The following NLGN4Y variants were observed in gnomAD, a reference collection of about 807,000 sequenced individuals.
The protein encoded by NLGN4Y is neuroligin-4, Y-linked.
NLGN4Y carries 4 observed loss-of-function variants against 8.4 expected under a neutral mutation model. The ratio of observed to expected loss-of-function variants is 0.48; its 90% CI spans 0.23 to 1.09. The LOEUF (loss-of-function observed/expected upper bound fraction) is 1.09. NLGN4Y is among the 50% of genes least tolerant of loss of function. The pLI, the probability that NLGN4Y is intolerant of heterozygous loss-of-function variation, is 0.19. For missense variants in NLGN4Y, 90 were observed against 192.3 expected (o/e 0.47, Z 3.15); for synonymous variants, 35 against 75.6 (o/e 0.46, Z 2.78).
intron 4 of NLGN4Y, among the ~76,000 whole-genome samples, chrY:14,774,613 G>T: frequency 3.1e-5 from 1 of 32,672 alleles, no homozygotes; most frequent in South Asian, 6.9e-4. Context: ...GATTCCTCAA[G>T]GATCTGGAAC....
intron 4 of NLGN4Y, among the ~76,000 whole-genome samples, chrY:14,798,895 A>G: frequency 2.9e-5 from 1 of 34,454 alleles, no homozygotes; most frequent in African/African-American, 1.1e-4. Context: ...ATTAACATTC[A>G]AAAATCACTT....
At chrY:14,573,091 C>T in intron 1 of NLGN4Y, among the ~76,000 whole-genome samples, 1 of 33,177 alleles carries the variant, frequency 3.0e-5, no homozygotes, top group Non-Finnish European at 7.4e-5. Flanking sequence ...GCTTTGTTGT[C>T]AGGATGATGC....
chrY:14,809,590 G>A, intron 4 of NLGN4Y, among the ~76,000 whole-genome samples: 5 of 28,932 alleles, frequency 1.7e-4, no homozygotes, highest in Non-Finnish European at 8.1e-5. Flanking sequence ...CTCCGTCACC[G>A]AGGCTGGAGT....
chrY:14,797,817 T>A (rs2043017448), intron 4 of NLGN4Y, among the ~76,000 whole-genome samples: 3 of 33,731 alleles, frequency 8.9e-5, no homozygotes, highest in Non-Finnish European at 2.2e-4. Flanking sequence ...TCCTAGAATT[T>A]AAGTTCTGGG....
intron 1 of NLGN4Y, among the ~76,000 whole-genome samples, chrY:14,589,008 G>A: frequency 2.4e-4 from 8 of 32,997 alleles, no homozygotes; most frequent in Non-Finnish European, 4.5e-4. Flanking sequence ...TAAAAGCAGC[G>A]TGGACCCAAA....
At chrY:14,635,068 A>G (rs2080560681) in intron 2 of NLGN4Y, among the ~76,000 whole-genome samples, 1 of 33,294 alleles carries the variant, frequency 3.0e-5, no homozygotes, top group Non-Finnish European at 7.4e-5. Context: ...ATTTTTAGCT[A>G]CATTCTACTC....
chrY:14,687,982 G>T (rs966155778), intron 2 of NLGN4Y, among the ~76,000 whole-genome samples: 1 of 33,023 alleles, frequency 3.0e-5, no homozygotes, highest in Admixed American at 2.8e-4. Flanking sequence ...CTGAGGAGAA[G>T]TGGCTCGGTT....
intron 1 of NLGN4Y, among the ~76,000 whole-genome samples, chrY:14,544,646 C>G (rs2080161640): frequency 3.0e-5 from 1 of 33,239 alleles, no homozygotes; most frequent in Non-Finnish European, 7.4e-5. Context: ...TAAAAACATG[C>G]CTTGGCAGCA....
chrY:14,703,689 A>G (rs2080864832), intron 2 of NLGN4Y, among the ~76,000 whole-genome samples: 1 of 32,892 alleles, frequency 3.0e-5, no homozygotes, highest in Non-Finnish European at 7.5e-5. Context: ...TTTTTTTCCA[A>G]TTCTGTGAAG....
At chrY:14,796,204 T>C in intron 4 of NLGN4Y, among the ~76,000 whole-genome samples, 1 of 33,111 alleles carries the variant, frequency 3.0e-5, no homozygotes, top group Non-Finnish European at 7.4e-5. Context: ...TTTGTCAAGA[T>C]TAACATAATA....
At chrY:14,611,868 AT>A (rs2080470793) in intron 1 of NLGN4Y, among the ~76,000 whole-genome samples, 1 of 32,780 alleles carries the variant, frequency 3.1e-5, no homozygotes, top group African/African-American at 1.2e-4. Context: ...CCTGGATAAT[AT>A]CCTGAAGTGT....
chrY:14,839,133 A>G (rs2043206607), intron 6 of NLGN4Y, among the ~76,000 whole-genome samples: 1 of 33,169 alleles, frequency 3.0e-5, no homozygotes, highest in Non-Finnish European at 7.4e-5. Context: ...ACCTGGAACC[A>G]TTGATCAGGA....
intron 1 of NLGN4Y, among the ~76,000 whole-genome samples, chrY:14,582,963 G>A: frequency 2.9e-5 from 1 of 33,976 alleles, no homozygotes; most frequent in African/African-American, 1.1e-4. Flanking sequence ...TTTCCATGGA[G>A]GGAATTTTTG....
chrY:14,529,578 C>A, intron 1 of NLGN4Y, among the ~76,000 whole-genome samples: 1 of 32,637 alleles, frequency 3.1e-5, no homozygotes, highest in East Asian at 8.0e-4. Context: ...CAGCATGGAA[C>A]TATGGTCCCA....
At chrY:14,575,943 C>T (rs2080296458) in intron 1 of NLGN4Y, among the ~76,000 whole-genome samples, 1 of 32,902 alleles carries the variant, frequency 3.0e-5, no homozygotes, top group Non-Finnish European at 7.5e-5. Context: ...TGATTGTTCC[C>T]CTGGAAGTTT....
chrY:14,695,600 C>T, intron 2 of NLGN4Y, among the ~76,000 whole-genome samples: 2 of 32,873 alleles, frequency 6.1e-5, no homozygotes, highest in African/African-American at 1.2e-4. Flanking sequence ...CTGAAATTTC[C>T]GGGAGTTTGT....
chrY:14,722,699 C>G, intron 3 of NLGN4Y, among the ~76,000 whole-genome samples: 2 of 20,922 alleles, frequency 9.6e-5, no homozygotes, highest in Non-Finnish European at 2.1e-4. Flanking sequence ...AACCCCGTCT[C>G]TACTAAAAAT....
chrY:14,702,670 T>C, intron 2 of NLGN4Y, among the ~76,000 whole-genome samples: 1 of 33,349 alleles, frequency 3.0e-5, no homozygotes, highest in African/African-American at 1.2e-4. Flanking sequence ...CCTTTGGGTA[T>C]ATACCCAGTA....
intron 1 of NLGN4Y, among the ~76,000 whole-genome samples, chrY:14,580,532 G>C (rs749440856): frequency 1.1e-3 from 36 of 32,240 alleles, no homozygotes; most frequent in African/African-American, 4.0e-3. Context: ...ATAGTTAAAA[G>C]CATTATTTCT....
Sources: gnomAD v4.1 joint callset for allele counts (sites outside exome capture counted in the v4.1 genomes callset) on GRCh38, gnomAD v4.1.1 for gene constraint, MANE v1.5 for transcripts, NCBI Gene and HGNC (gene_info 2026-07-23, HGNC 2026-07-21) for gene names.